The following CNTN3 variants were observed in gnomAD, a reference collection of about 807,000 sequenced individuals.
CNTN3 encodes contactin-3.
In CNTN3, 60 loss-of-function variants were observed where a neutral mutation model predicts 119.1. The observed-to-expected ratio is 0.50, with a 90% CI of 0.41 to 0.62. CNTN3 has a LOEUF of 0.62. Ranked by LOEUF, CNTN3 falls within the 20% of genes least tolerant of loss-of-function variation. CNTN3 has a pLI of 0.00. For missense variants in CNTN3, 1,101 were observed against 1,242.4 expected (o/e 0.89, Z 1.71); for synonymous variants, 450 against 438.7 (o/e 1.03, Z -0.32).
chr3:74,445,794 T>G (rs995983655), intron 4 of CNTN3, among the ~76,000 whole-genome samples: 6 of 152,168 alleles, frequency 3.9e-5, no homozygotes, highest in Admixed American at 2.0e-4. Context: ...GCAAACATTC[T>G]TCATTGGTGT....
chr3:74,605,221 A>C (rs1339014046), intron 1 of CNTN3, among the ~76,000 whole-genome samples: 1 of 152,088 alleles, frequency 6.6e-6, no homozygotes, highest in African/African-American at 2.4e-5. Flanking sequence ...GAGATCTATT[A>C]TACAACATGG....
chr3:74,530,678 G>A (rs778761247), intron 1 of CNTN3, among the ~76,000 whole-genome samples: 21 of 151,942 alleles, frequency 1.4e-4, no homozygotes, highest in Non-Finnish European at 4.4e-5. Context: ...ACACACAGGG[G>A]TGAGTGCCTG....
intron 5 of CNTN3, among the ~76,000 whole-genome samples, chr3:74,399,805 T>A (rs1406302783): frequency 2.0e-5 from 3 of 152,204 alleles, no homozygotes; most frequent in Non-Finnish European, 4.4e-5. Context: ...CTTCAACAAA[T>A]CTCTCCACAA....
chr3:74,568,830 T>C (rs1704265825), intron 1 of CNTN3, among the ~76,000 whole-genome samples: 1 of 152,230 alleles, frequency 6.6e-6, no homozygotes, highest in South Asian at 2.1e-4. Context: ...TCTTGGGGGC[T>C]CTCTCGAAGG....
At chr3:74,455,701 G>A (rs938885203) in intron 4 of CNTN3, among the ~76,000 whole-genome samples, 26 of 151,910 alleles carry the variant, frequency 1.7e-4, no homozygotes, top group African/African-American at 4.6e-4. Flanking sequence ...CTTTCTGTTC[G>A]TTAGTTTTCC....
chr3:74,351,500 C>A (rs1187843017), intron 11 of CNTN3, among the ~76,000 whole-genome samples: 2 of 152,194 alleles, frequency 1.3e-5, no homozygotes, highest in African/African-American at 4.8e-5. Flanking sequence ...GTGACACAGC[C>A]AAGATCTGAC....
chr3:74,470,518 TCA>T (rs1702540406), intron 4 of CNTN3, among the ~76,000 whole-genome samples: 1 of 152,048 alleles, frequency 6.6e-6, no homozygotes, highest in African/African-American at 2.4e-5. Flanking sequence ...CTACATGCTG[TCA>T]CAGTCAGACC....
chr3:74,461,357 T>C (rs1199098449), intron 4 of CNTN3, among the ~76,000 whole-genome samples: 3 of 152,068 alleles, frequency 2.0e-5, no homozygotes, highest in Non-Finnish European at 4.4e-5. Flanking sequence ...TGCTGTTAAA[T>C]TAATTGCAAT....
intron 4 of CNTN3, among the ~76,000 whole-genome samples, chr3:74,444,096 G>A (rs1203074933): frequency 3.3e-5 from 5 of 152,148 alleles, no homozygotes; most frequent in Middle Eastern, 3.4e-3. Flanking sequence ...CCATTGTCAC[G>A]TAGCATTCTC....
At chr3:74,525,472 T>A (rs747050152) in intron 1 of CNTN3, among the ~76,000 whole-genome samples, 8 of 151,912 alleles carry the variant, frequency 5.3e-5, no homozygotes, top group Non-Finnish European at 1.2e-4. Context: ...AGAGGTGACA[T>A]ATTAAAGCTC....
At chr3:74,430,576 TA>T (rs1209007224) in intron 4 of CNTN3, among the ~76,000 whole-genome samples, 1 of 151,878 alleles carries the variant, frequency 6.6e-6, no homozygotes, top group Non-Finnish European at 1.5e-5. Flanking sequence ...CCCCATCTCT[TA>T]AAAAATTAAA....
At chr3:74,470,451 G>A (rs1016092346) in intron 4 of CNTN3, among the ~76,000 whole-genome samples, 17 of 152,138 alleles carry the variant, frequency 1.1e-4, no homozygotes, top group Admixed American at 2.6e-4. Context: ...TACAGTGCCT[G>A]TGTAGGAATT....
intron 5 of CNTN3, among the ~76,000 whole-genome samples, chr3:74,396,208 A>T (rs1705047864): frequency 6.6e-6 from 1 of 152,204 alleles, no homozygotes; most frequent in South Asian, 2.1e-4. Flanking sequence ...GCCAGCAATG[A>T]TTAAGTGTAG....
chr3:74,605,139 T>A (rs1704969855), intron 1 of CNTN3, among the ~76,000 whole-genome samples: 1 of 150,828 alleles, frequency 6.6e-6, no homozygotes, highest in Non-Finnish European at 1.5e-5. Context: ...ACCAGGGGGG[T>A]GAGGAGGGAG....
intron 4 of CNTN3, among the ~76,000 whole-genome samples, chr3:74,455,609 T>A (rs1198735223): frequency 6.6e-6 from 1 of 152,058 alleles, no homozygotes; most frequent in African/African-American, 2.4e-5. Context: ...TTCTGCTCTG[T>A]TTTTTCCCCA....
chr3:74,482,182 G>C (rs1702774810), intron 4 of CNTN3, among the ~76,000 whole-genome samples: 1 of 151,794 alleles, frequency 6.6e-6, no homozygotes, highest in African/African-American at 2.4e-5. Context: ...AGCCAAAAAA[G>C]GATAGCCAGA....
intron 18 of CNTN3, among the ~76,000 whole-genome samples, chr3:74,297,139 G>C (rs12497583): frequency 0.33 from 49,557 of 151,894 alleles, 9,714 homozygotes; most frequent in South Asian, 0.59. Flanking sequence ...CGCTGCTCCT[G>C]ACTCTTCATC....
intron 4 of CNTN3, among the ~76,000 whole-genome samples, chr3:74,459,621 G>C (rs1702329447): frequency 6.6e-6 from 1 of 151,818 alleles, no homozygotes; most frequent in African/African-American, 2.4e-5. Flanking sequence ...CTATCACTAA[G>C]GCTTTGTACA....
intron 13 of CNTN3, among the ~76,000 whole-genome samples, chr3:74,323,437 G>A (rs1047218628): frequency 1.3e-5 from 2 of 152,028 alleles, no homozygotes; most frequent in Non-Finnish European, 2.9e-5. Context: ...CTCTGCCTGA[G>A]GGTGAAGGTT....
Sources: gnomAD v4.1 joint callset for allele counts (sites outside exome capture counted in the v4.1 genomes callset) on GRCh38, gnomAD v4.1.1 for gene constraint, MANE v1.5 for transcripts, NCBI Gene and HGNC (gene_info 2026-07-23, HGNC 2026-07-21) for gene names.